The following PLCXD1 variants were observed in gnomAD, a reference collection of about 807,000 sequenced individuals.
PLCXD1 encodes phosphatidylinositol specific phospholipase C X domain containing 1.
In PLCXD1, 45 loss-of-function variants were observed where a neutral mutation model predicts 37.8. That is an observed-to-expected ratio of 1.19 (90% CI 0.94 to 1.53). The LOEUF is 1.53. PLCXD1 is among the 40% of genes most tolerant of loss of function. The pLI is 0.00. For missense variants in PLCXD1, 539 were observed against 454.7 expected (o/e 1.19, Z -1.69); for synonymous variants, 246 against 206.9 (o/e 1.19, Z -1.62).
Position 300,556 on chromosome X carries a change from A to AT in PLCXD1, c.*1222dup, listed in dbSNP as rs753603911. Reference sequence around the variant, plus strand: ...TATGCATACATGTATATGTGTATGCATGTATATGTGTATGTGTACATGTAT... The same window carrying AT: ...TATGCATACATGTATATGTGTATGCATTGTATATGTGTATGTGTACATGTAT... On this transcript the variant is annotated 3_prime_UTR_variant, in exon 7 of 7. Transcript: ENST00000381657. 1 of 145,952 alleles carries AT rather than the reference A, an allele frequency of 6.9e-6. No homozygotes were observed. The highest frequency in any genetic ancestry group is 1.5e-5 in the Non-Finnish European group (1 of 67,936). 9.0% of individuals were successfully genotyped at this position (145,952 alleles called of 1,614,324 possible). A position where few individuals can be genotyped will look rare whatever the true frequency, so the allele number is the denominator to read the frequency against.
At chrX:278,099 G>A (rs893930982), upstream of PLCXD1, among the ~76,000 whole-genome samples, 1 of 133,936 alleles carries the variant, frequency 7.5e-6, no homozygotes, top group Non-Finnish European at 1.6e-5. Flanking sequence ...GGAGGGCTCA[G>A]GAGGACATGG....
chrX:291,764 G>C, intron 5 of PLCXD1, 110 bp downstream of exon 5: 2 of 1,270,996 alleles, frequency 1.6e-6, no homozygotes, highest in Non-Finnish European at 1.1e-6. Context: ...TCCTGTAGCA[G>C]GTGAAGCCGT....
chrX:296,325 G>T (rs1183682753), intron 6 of PLCXD1, among the ~76,000 whole-genome samples: 1 of 151,524 alleles, frequency 6.6e-6, no homozygotes, highest in East Asian at 2.0e-4. Flanking sequence ...GGGTTTCAGC[G>T]TGTTGGTCAG....
rs2069982258 is a variant in PLCXD1, at chrX:300,566, G to GTGTGTACATGTA, written c.*1232_*1233insGTGTACATGTAT. On this transcript the variant is annotated 3_prime_UTR_variant, in exon 7 of 7. Coordinates refer to ENST00000381657, the MANE Select transcript of PLCXD1 (RefSeq NM_018390.4). ...TGTATATGTGTATGCATGTATATGT[G>GTGTGTACATGTA]TATGTGTACATGTATATGTGTTTAT... The GTGTGTACATGTA allele has an allele frequency of 1.3e-5, 2 of 149,320 alleles. No individual in the cohort carries two copies. The highest frequency in any genetic ancestry group is 5.1e-5 in the African/African-American group (2 of 39,038). The allele number at this position is 149,320 out of a possible 1,614,324, so 9.2% of individuals were successfully genotyped here. A position where few individuals can be genotyped will look rare whatever the true frequency, so the allele number is the denominator to read the frequency against.
chrX:288,886 G>A lies in PLCXD1; in HGVS notation c.264+17G>A, dbSNP rs746282754. 2.6e-5 allele frequency: 42 copies of A among 1,611,212 alleles called. No individual in the cohort carries two copies. In the African/African-American group the frequency reaches 3.1e-4, roughly 12 times the overall value. On this transcript the variant is annotated intron_variant, in intron 3 of 6. Coordinates refer to ENST00000381657, the MANE Select transcript of PLCXD1 (RefSeq NM_018390.4). ...GTCACCCAGGTACGGTCTGTGCCCC[G>A]TGCTGCTGACCTGGCCTGTCAGCTA...
In PLCXD1 at chrX:299,128, G is replaced by A. The variant is rs370879507; in HGVS notation, c.765G>A (p.Thr255=). The stretch of plus-strand genomic sequence containing the variant: ...TGTTCGTGGCCGGCATCAACCTCAC[G>A]GAGAACCTGCAGTACGTTCTGGCGC... ...GGLFVAGINL[T]ENLQYVLAHP... is the part of the protein sequence containing the mutation. Residue 255 remains threonine, a synonymous_variant, in exon 7 of 7, where the codon ACG becomes ACA. Transcript: ENST00000381657. 10 of 1,613,692 alleles carry A rather than the reference G, an allele frequency of 6.2e-6. No individual in the cohort carries two copies. Among genetic ancestry groups the A allele is most frequent in the African/African-American group, 4.0e-5 (3 of 74,900 alleles).
In PLCXD1 at chrX:299,252, A is replaced by C. The variant is rs768591369; in HGVS notation, c.889A>C (p.Asn297His). The change falls in exon 7 of 7, where the codon AAC (asparagine) becomes CAC (histidine). Residue 297 changes from asparagine to histidine, a missense_variant. By Grantham distance (68) the Asn-to-His change is moderately conservative. Transcript: ENST00000381657. ...QCPGPGSRCT[N>H]IIAGDFIGAD... ...CCCGGGGCCGGGTTCACGGTGCACC[A>C]ACATCATCGCGGGGGACTTCATCGG... 5.0e-6 allele frequency: 8 copies of C among 1,613,952 alleles called. No homozygotes were observed. Among genetic ancestry groups the C allele is most frequent in the Non-Finnish European group, 6.8e-6 (8 of 1,179,864 alleles).
At position 289,989 on chromosome X, in the gene PLCXD1, G is replaced by A. The variant is rs189369772; in HGVS notation, c.265-659G>A. Among the ~76,000 whole-genome samples the A allele has an allele frequency of 8.6e-3, 1,311 of 151,868 alleles. 10 individuals carry two copies. Among genetic ancestry groups the A allele is most frequent in the Non-Finnish European group, 0.014 (933 of 67,948 alleles). ...TTCATTCCTTTAGAGATGGAGTCTC[G>A]CTCTCTCACCCAGACTGGAGTGCGG... On this transcript the variant is annotated intron_variant, in intron 3 of 6. Transcript: ENST00000381657.
upstream of PLCXD1, among the ~76,000 whole-genome samples, chrX:277,056 G>A (rs1196280020): frequency 3.3e-5 from 5 of 152,182 alleles, no homozygotes; most frequent in Non-Finnish European, 7.3e-5. Flanking sequence ...CCCAGGAAGG[G>A]TCAGTGCTCC....
chrX:284,871 C>T (rs1352691957), intron 2 of PLCXD1, among the ~76,000 whole-genome samples: 1 of 152,204 alleles, frequency 6.6e-6, no homozygotes, highest in African/African-American at 2.4e-5. Flanking sequence ...AGAGCGTGTG[C>T]TGGAGAACTG....
rs756033409 is a variant in PLCXD1 at position 284,701 on chromosome X, G to T, written c.127+387G>T. Among the ~76,000 whole-genome samples the T allele has an allele frequency of 6.6e-5, 10 of 152,146 alleles. No individual in the cohort carries two copies. In the South Asian group the frequency reaches 2.1e-3, roughly 32 times the overall value. On this transcript the variant is annotated intron_variant, in intron 2 of 6. Transcript: ENST00000381657. ...CTGCACACATACGCATGTGCATACT[G>T]TGTTGGTCTGTTCTCACGCTGCTAA...
upstream of PLCXD1, among the ~76,000 whole-genome samples, chrX:278,025 T>C (rs866159267): frequency 4.1e-4 from 14 of 34,530 alleles, no homozygotes; most frequent in Non-Finnish European, 4.8e-4. Context: ...TCAGGGGGAA[T>C]GTGGGGACAG....
chrX:290,681 GT>G lies in PLCXD1; in HGVS notation c.299del (p.Val100GlyfsTer8). 6.2e-7 allele frequency: 1 copy of G among 1,613,798 alleles called. No individual in the cohort carries two copies. On this transcript the variant is annotated frameshift_variant, in exon 4 of 7. Coordinates refer to ENST00000381657, the MANE Select transcript of PLCXD1 (RefSeq NM_018390.4). LOFTEE classifies it high-confidence loss of function. Reference sequence around the variant, plus strand: ...CGTCACAGAGCAGCTGGATGCCGGGGTGCGGTACCTGGACCTGCGGATAGCC... The same window carrying G: ...CGTCACAGAGCAGCTGGATGCCGGGGGCGGTACCTGGACCTGCGGATAGCC... ...LDVTEQLDAGVRYLDLRIAHM... is the reference protein window; with the variant it reads ...LDVTEQLDAGXRYLDLRIAHM...
At chrX:278,652 T>C (rs922705509), upstream of PLCXD1, among the ~76,000 whole-genome samples, 2 of 150,604 alleles carry the variant, frequency 1.3e-5, no homozygotes, top group East Asian at 2.0e-4. Flanking sequence ...GATAGGAGAA[T>C]TGCTTGAACC....
chrX:293,863 C>T (rs962977548), intron 6 of PLCXD1, among the ~76,000 whole-genome samples: 1 of 152,170 alleles, frequency 6.6e-6, no homozygotes, highest in African/African-American at 2.4e-5. Flanking sequence ...TTGCCGGGGG[C>T]TGCGGAGGGG....
Position 284,246 on chromosome X carries a change from A to T in PLCXD1, c.59A>T (p.Asn20Ile). ...SFSRLHCRNA[N>I]EDWMSALCPR... ...TCGAGGCTGCACTGCAGAAATGCCA[A>T]CGAGGACTGGATGTCGGCACTGTGT... Residue 20 changes from asparagine (N) to isoleucine (I), a missense_variant, in exon 2 of 7, where the codon AAC becomes ATC. Transcript: ENST00000381657. 2 of 1,613,386 alleles carry T rather than the reference A, an allele frequency of 1.2e-6. No individual in the cohort carries two copies. Among genetic ancestry groups the T allele is most frequent in the Non-Finnish European group, 1.7e-6 (2 of 1,179,552 alleles).
At chrX:291,428 G>T (rs2069629902) in intron 4 of PLCXD1, 71 bp from the exon 5 acceptor site, 2 of 1,566,874 alleles carry the variant, frequency 1.3e-6, no homozygotes, top group Non-Finnish European at 1.8e-6. Flanking sequence ...TGACAGGCGT[G>T]AGCCGCCACA....
At chrX:278,244 AC>A (rs2069193805), upstream of PLCXD1, among the ~76,000 whole-genome samples, 1 of 145,034 alleles carries the variant, frequency 6.9e-6, no homozygotes, top group Non-Finnish European at 1.5e-5. Flanking sequence ...GATGAAGGTG[AC>A]GGGAGGGGAG....
intron 6 of PLCXD1, among the ~76,000 whole-genome samples, chrX:296,936 T>TG (rs2069833732): frequency 8.3e-5 from 11 of 133,222 alleles, no homozygotes; most frequent in African/African-American, 3.2e-4. Context: ...GTCTATCACA[T>TG]GGGGATTAGG....
Sources: gnomAD v4.1 joint callset for allele counts (sites outside exome capture counted in the v4.1 genomes callset) on GRCh38, gnomAD v4.1.1 for gene constraint, MANE v1.5 for transcripts, NCBI Gene and HGNC (gene_info 2026-07-23, HGNC 2026-07-21) for gene names.